The following RAPGEF5 variants were observed in gnomAD, a reference collection of about 807,000 sequenced individuals.
RAPGEF5 encodes Rap guanine nucleotide exchange factor 5.
RAPGEF5 carries 65 observed loss-of-function variants against 125.2 expected under a neutral mutation model. The observed-to-expected ratio is 0.52, with a 90% CI of 0.43 to 0.64. RAPGEF5 has a LOEUF of 0.64. Among genes scored for constraint, RAPGEF5 ranks in the 30% least tolerant of loss-of-function variants. RAPGEF5 has a pLI of 0.00. For missense variants in RAPGEF5, 958 were observed against 1,048.1 expected, an observed-to-expected ratio of 0.91 and a Z score of 1.19; for synonymous variants, 391 against 385.9, an observed-to-expected ratio of 1.01 and a Z score of -0.16.
chr7:22,227,785 C>G (rs191417444), intron 8 of RAPGEF5, among the ~76,000 whole-genome samples: 227 of 152,232 alleles, frequency 1.5e-3, no homozygotes, highest in African/African-American at 5.1e-3. Flanking sequence ...GAGGCTGCAG[C>G]GAGCCATGAT....
intron 24 of RAPGEF5, among the ~76,000 whole-genome samples, chr7:22,129,904 C>T (rs977972900): frequency 2.0e-5 from 3 of 151,962 alleles, no homozygotes; most frequent in Non-Finnish European, 2.9e-5. Context: ...GCTGCTTCAC[C>T]CTACATGTGG....
intron 24 of RAPGEF5, among the ~76,000 whole-genome samples, chr7:22,129,609 C>T (rs987038007): frequency 8.5e-5 from 13 of 152,208 alleles, no homozygotes; most frequent in South Asian, 2.1e-4. Flanking sequence ...CACAGCAACA[C>T]AAAACACGTA....
At chr7:22,248,108 T>C (rs754722460) in intron 7 of RAPGEF5, among the ~76,000 whole-genome samples, 15 of 152,184 alleles carry the variant, frequency 9.9e-5, no homozygotes, top group Non-Finnish European at 2.1e-4. Flanking sequence ...CGTGTACCCT[T>C]TGACTCTAAA....
At chr7:22,168,157 A>G (rs1422685974) in intron 11 of RAPGEF5, among the ~76,000 whole-genome samples, 2 of 152,048 alleles carry the variant, frequency 1.3e-5, no homozygotes, top group African/African-American at 4.8e-5. Context: ...CTGCCACTTT[A>G]TATGTTGAAA....
chr7:22,284,821 A>C (rs752267399), intron 6 of RAPGEF5, among the ~76,000 whole-genome samples: 3 of 152,212 alleles, frequency 2.0e-5, no homozygotes, highest in Non-Finnish European at 4.4e-5. Context: ...AAAAGGGTGA[A>C]TAGAAACCCA....
intron 1 of RAPGEF5, among the ~76,000 whole-genome samples, chr7:22,324,153 A>G (rs1783769284): frequency 6.6e-6 from 1 of 152,256 alleles, no homozygotes; most frequent in African/African-American, 2.4e-5. Context: ...ACATGTTGAC[A>G]TCTGCCTCCT....
intron 21 of RAPGEF5, among the ~76,000 whole-genome samples, chr7:22,138,199 C>T (rs17146311): frequency 0.02 from 3,046 of 152,224 alleles, 108 homozygotes; most frequent in African/African-American, 0.07. Context: ...CCAACATGTC[C>T]GAAGTCGAAC....
At chr7:22,317,869 A>G (rs62447095) in intron 2 of RAPGEF5, 118 bp downstream of exon 2, 290,055 of 1,346,984 alleles carry the variant, frequency 0.22, 32,231 homozygotes, top group Admixed American at 0.24. Context: ...TCACTGCAGC[A>G]TCCCTGCAAA....
intron 7 of RAPGEF5, among the ~76,000 whole-genome samples, chr7:22,247,125 T>C (rs1343215175): frequency 6.6e-6 from 1 of 152,212 alleles, no homozygotes; most frequent in Non-Finnish European, 1.5e-5. Context: ...TGTACACTGT[T>C]GGTGAGAATA....
At chr7:22,145,397 C>T in intron 19 of RAPGEF5, 175 bp from the exon 20 acceptor site, 1 of 551,896 alleles carries the variant, frequency 1.8e-6, no homozygotes, top group Non-Finnish European at 3.0e-6. Flanking sequence ...TTTAGAGGTG[C>T]CTCATTCAAT....
chr7:22,321,580 C>T (rs549483158), intron 1 of RAPGEF5, among the ~76,000 whole-genome samples: 63 of 152,312 alleles, frequency 4.1e-4, no homozygotes, highest in Middle Eastern at 3.4e-3. Flanking sequence ...ACTTCAGTCA[C>T]TACAGAAGCA....
chr7:22,176,571 C>T (rs981760418), intron 11 of RAPGEF5, among the ~76,000 whole-genome samples: 2 of 152,178 alleles, frequency 1.3e-5, no homozygotes, highest in Non-Finnish European at 2.9e-5. Flanking sequence ...GTCGCCCAGG[C>T]TGGATGGAGT....
chr7:22,334,963 C>G (rs892682686), intron 1 of RAPGEF5, among the ~76,000 whole-genome samples: 2 of 152,210 alleles, frequency 1.3e-5, no homozygotes, highest in African/African-American at 4.8e-5. Flanking sequence ...CCAGTAATTT[C>G]AGAGTTGGTC....
At chr7:22,135,322 G>A (rs553468584) in intron 23 of RAPGEF5, among the ~76,000 whole-genome samples, 1 of 152,204 alleles carries the variant, frequency 6.6e-6, no homozygotes, top group South Asian at 2.1e-4. Flanking sequence ...CCCTTTCCCT[G>A]GAAGCATACA....
Position 22,135,960 on chromosome 7 carries a change from C to CT in RAPGEF5, c.2416+77dup, listed in dbSNP as rs1406535368. 3.4e-6 allele frequency: 4 copies of CT among 1,164,578 alleles called. No homozygotes were observed. In the East Asian group the frequency reaches 7.3e-5, roughly 21 times the overall value. 72.1% of individuals were successfully genotyped at this position (1,164,578 alleles called of 1,614,324 possible). On this transcript the variant is annotated intron_variant, in intron 23 of 25. Coordinates refer to ENST00000665637, the MANE Select transcript of RAPGEF5 (RefSeq NM_012294.5). ...CTGTAAAGAGACAAAATGAGAGTCC[C>CT]TTTTTTGCCCTCAATAGTTACAGTA...
chr7:22,193,321 C>A (rs1311290961), intron 11 of RAPGEF5, 46 bp downstream of exon 11: 1 of 1,540,402 alleles, frequency 6.5e-7, no homozygotes, highest in Admixed American at 2.0e-5. Context: ...CTGACAAGGG[C>A]ATCAGCTGCT....
At chr7:22,264,981 A>G (rs1782247521) in intron 7 of RAPGEF5, among the ~76,000 whole-genome samples, 1 of 152,004 alleles carries the variant, frequency 6.6e-6, no homozygotes, top group South Asian at 2.1e-4. Flanking sequence ...TCTTTTTTTT[A>G]GAGTTACTTT....
At chr7:22,334,231 T>C (rs1783983743) in intron 1 of RAPGEF5, among the ~76,000 whole-genome samples, 1 of 152,114 alleles carries the variant, frequency 6.6e-6, no homozygotes, top group East Asian at 1.9e-4. Flanking sequence ...AGTTTCCATC[T>C]TGGCTTTTTC....
rs552824026 is a variant in RAPGEF5 at position 22,188,181 on chromosome 7, C to A, written c.1204+5186G>T. ...TAGTACAGCAAAAGCCATGCTGCTA[C>A]GGGGTTATTATGGTCTGGCAACCTG... On this transcript the variant is annotated intron_variant, in intron 11 of 25. Transcript: ENST00000665637. Among the ~76,000 whole-genome samples, 29 of 152,248 alleles carry A rather than the reference C, an allele frequency of 1.9e-4. 1 individual carries two copies. In the South Asian group the frequency reaches 2.7e-3, roughly 14 times the overall value.
Sources: allele counts gnomAD v4.1 joint callset (sites outside exome capture counted in the v4.1 genomes callset), GRCh38; gene constraint gnomAD v4.1.1; transcripts MANE v1.5; gene names NCBI Gene and HGNC (gene_info 2026-07-23, HGNC 2026-07-21).